PHF21B: variants seen among roughly 807,000 people sequenced by gnomAD.
PHF21B encodes PHD finger protein 4.
PHF21B carries 22 observed loss-of-function variants against 62.2 expected under a neutral mutation model. The observed-to-expected ratio is 0.35, with a 90% CI of 0.25 to 0.51. The LOEUF is 0.51. PHF21B is among the 20% of genes least tolerant of loss of function. The pLI, the probability that PHF21B is intolerant of heterozygous loss-of-function variation, is 0.97. For missense variants in PHF21B, 701 were observed against 707.9 expected, an observed-to-expected ratio of 0.99 and a Z score of 0.11; for synonymous variants, 341 against 314.7, an observed-to-expected ratio of 1.08 and a Z score of -0.88.
In PHF21B at chr22:45,008,633, G is replaced by C. The variant is rs765403617; in HGVS notation, c.55-23C>G. 3 of 1,562,480 alleles carry C rather than the reference G, an allele frequency of 1.9e-6. No individual in the cohort carries two copies. In the Admixed American group the frequency reaches 5.6e-5, roughly 29 times the overall value. ...GTTCTGCGGAAACACGGAGGAGCGG[G>C]CTCAGGCAGGCCACCCGGGGTCAGG... On this transcript the variant is annotated intron_variant, in intron 1 of 12. Coordinates refer to ENST00000313237, the MANE Select transcript of PHF21B (RefSeq NM_138415.5).
At chr22:44,926,086 G>A (rs1050262345) in intron 2 of PHF21B, among the ~76,000 whole-genome samples, 2 of 151,382 alleles carry the variant, frequency 1.3e-5, no homozygotes, top group South Asian at 2.1e-4. Flanking sequence ...AGTGGGTTCT[G>A]TGGTGGGAAG....
intron 7 of PHF21B, among the ~76,000 whole-genome samples, chr22:44,892,085 G>A (rs1047574359): frequency 5.9e-5 from 9 of 152,168 alleles, no homozygotes; most frequent in Admixed American, 2.0e-4. Flanking sequence ...AGACTTGGGA[G>A]CCTAGAGTAA....
intron 2 of PHF21B, among the ~76,000 whole-genome samples, chr22:44,940,324 T>C (rs2071931307): frequency 6.6e-6 from 1 of 152,188 alleles, no homozygotes; most frequent in Non-Finnish European, 1.5e-5. Context: ...CCAGCGCCAA[T>C]GCCACGTCCC....
At chr22:44,952,174 C>T (rs1422308524) in intron 2 of PHF21B, among the ~76,000 whole-genome samples, 1 of 152,080 alleles carries the variant, frequency 6.6e-6, no homozygotes, top group Non-Finnish European at 1.5e-5. Context: ...GAAACCTCGT[C>T]TCTATTAAAA....
intron 2 of PHF21B, among the ~76,000 whole-genome samples, chr22:44,957,904 T>G (rs1184071775): frequency 1.7e-3 from 6 of 3,522 alleles, no homozygotes; most frequent in Non-Finnish European, 6.6e-3. Context: ...CCACTGGACA[T>G]TTTTTTTTTT....
intron 2 of PHF21B, among the ~76,000 whole-genome samples, chr22:44,994,053 G>C (rs2073081689): frequency 6.6e-6 from 1 of 152,240 alleles, no homozygotes; most frequent in Non-Finnish European, 1.5e-5. Context: ...CTGGCTGTGA[G>C]AGAAGGACAG....
intron 2 of PHF21B, among the ~76,000 whole-genome samples, chr22:44,924,557 C>T (rs1039861126): frequency 6.6e-6 from 1 of 151,944 alleles, no homozygotes; most frequent in African/African-American, 2.4e-5. Flanking sequence ...TTTGTGTCCT[C>T]TCTCTCTCTC....
At chr22:44,909,622 A>T (rs1203700209) in intron 5 of PHF21B, among the ~76,000 whole-genome samples, 2 of 152,352 alleles carry the variant, frequency 1.3e-5, no homozygotes, top group East Asian at 3.9e-4. Context: ...GTCAGCCTGC[A>T]TTCAGGCCCT....
At chr22:44,966,708 C>T (rs776417147) in intron 2 of PHF21B, among the ~76,000 whole-genome samples, 10 of 152,170 alleles carry the variant, frequency 6.6e-5, no homozygotes, top group African/African-American at 4.8e-5. Context: ...CGGTAGCCCC[C>T]GCAGTAACCT....
intron 2 of PHF21B, among the ~76,000 whole-genome samples, chr22:44,998,290 G>GGAC (rs2073154758): frequency 6.6e-6 from 1 of 152,216 alleles, no homozygotes; most frequent in African/African-American, 2.4e-5. Flanking sequence ...CATCCATGCA[G>GGAC]GACGCAGCAA....
chr22:44,955,455 G>A (rs959544050), intron 2 of PHF21B, among the ~76,000 whole-genome samples: 14 of 152,236 alleles, frequency 9.2e-5, no homozygotes, highest in African/African-American at 1.2e-4. Context: ...CTGTGAGGGC[G>A]TTTCTGGAAG....
intron 2 of PHF21B, among the ~76,000 whole-genome samples, chr22:44,975,688 G>A (rs11090715): frequency 0.15 from 23,502 of 152,224 alleles, 2,004 homozygotes; most frequent in Middle Eastern, 0.2. Context: ...AATCAGCGAG[G>A]GAAGCCCACG....
chr22:45,007,505 A>T (rs1330054270), intron 2 of PHF21B, among the ~76,000 whole-genome samples: 1 of 135,296 alleles, frequency 7.4e-6, no homozygotes. Flanking sequence ...TGCGGCCGGC[A>T]TTCCGAAGGA....
At chr22:44,969,623 G>A (rs2072598270) in intron 2 of PHF21B, among the ~76,000 whole-genome samples, 1 of 151,954 alleles carries the variant, frequency 6.6e-6, no homozygotes, top group African/African-American at 2.4e-5. Flanking sequence ...CTGAGATCAC[G>A]CCACTGCACT....
chr22:44,965,989 C>T (rs2072518051), intron 2 of PHF21B, among the ~76,000 whole-genome samples: 1 of 152,240 alleles, frequency 6.6e-6, no homozygotes, highest in Non-Finnish European at 1.5e-5. Flanking sequence ...CACGGGCCTG[C>T]TCATCCACTG....
At chr22:44,948,639 C>T (rs533541960) in intron 2 of PHF21B, among the ~76,000 whole-genome samples, 27 of 150,332 alleles carry the variant, frequency 1.8e-4, no homozygotes, top group Non-Finnish European at 2.9e-4. Context: ...GGCAGTGAGC[C>T]GAGACTGTGC....
Position 44,902,155 on chromosome 22 carries a change from C to A in PHF21B, c.832-6072G>T, listed in dbSNP as rs1252710016. On this transcript the variant is annotated intron_variant, in intron 5 of 12. Transcript: ENST00000313237. The stretch of plus-strand genomic sequence containing the variant: ...AGAAATTTGCCATTGCCACCTCAAC[C>A]AAAATTGGTATCAGCAATGTGAAAA... 1.9e-5 allele frequency: 4 copies of A among 210,066 alleles called. No homozygotes were observed. In the South Asian group the frequency reaches 3.0e-4, roughly 16 times the overall value. The allele number at this position is 210,066 out of a possible 1,614,324, so 13.0% of individuals were successfully genotyped here. A position where few individuals can be genotyped will look rare whatever the true frequency, so the allele number is the denominator to read the frequency against.
chr22:44,899,475 G>A (rs1317072982), intron 5 of PHF21B, among the ~76,000 whole-genome samples: 2 of 151,864 alleles, frequency 1.3e-5, no homozygotes, highest in Non-Finnish European at 2.9e-5. Context: ...ATTTCTAGTA[G>A]AGACGGGGTT....
intron 2 of PHF21B, among the ~76,000 whole-genome samples, chr22:44,962,604 A>G (rs139435321): frequency 4.6e-5 from 7 of 152,316 alleles, no homozygotes; most frequent in Admixed American, 2.0e-4. Context: ...AGTAAGTGAA[A>G]CCATCATCAG....
Sources: allele counts gnomAD v4.1 joint callset (sites outside exome capture counted in the v4.1 genomes callset), GRCh38; gene constraint gnomAD v4.1.1; transcripts MANE v1.5; gene names NCBI Gene and HGNC (gene_info 2026-07-23, HGNC 2026-07-21).